Variants in EFCAB6 observed in about 807,000 individuals in gnomAD.
EFCAB6 encodes EF-hand calcium-binding domain-containing protein 6.
Under a neutral mutation model 169.8 loss-of-function variants are expected in EFCAB6, and 156 were observed. That is an observed-to-expected ratio of 0.92 (90% CI 0.81 to 1.05). The LOEUF is 1.05. EFCAB6 is among the 50% of genes least tolerant of loss of function. The pLI is 0.00. For synonymous variants in EFCAB6, 698 were observed against 676.4 expected (o/e 1.03, Z -0.50); for missense variants, 1,800 against 1,829.1 (o/e 0.98, Z 0.29).
intron 26 of EFCAB6, among the ~76,000 whole-genome samples, chr22:43,565,246 G>A (rs766366286): frequency 2.6e-5 from 4 of 152,234 alleles, no homozygotes; most frequent in Non-Finnish European, 5.9e-5. Flanking sequence ...TGACAGAGAT[G>A]AAGAGCAGAG....
chr22:43,576,246 T>C (rs757375780), intron 26 of EFCAB6, 51 bp downstream of exon 26: 10 of 1,505,468 alleles, frequency 6.6e-6, no homozygotes, highest in South Asian at 2.6e-5. Flanking sequence ...TTGTAAAAAC[T>C]AATTTTAGCT....
At position 43,676,989 on chromosome 22, in the gene EFCAB6, T is replaced by G. The variant is rs78365095; in HGVS notation, c.1419+1007A>C. Among the ~76,000 whole-genome samples, 313 of 152,298 alleles carry G rather than the reference T, an allele frequency of 2.1e-3. 4 individuals are homozygous for G. The highest frequency in any genetic ancestry group is 6.9e-3 in the African/African-American group (288 of 41,532). ...GAAATAGTGCATCTCGTGATATTAC[T>G]GGTTTGATTTTGATTCATAGGGATG... On this transcript the variant is annotated intron_variant, in intron 13 of 31. Transcript: ENST00000262726.
In EFCAB6 at chr22:43,810,290, T is replaced by C. The variant is rs73174399; in HGVS notation, c.-144-1159A>G. 1.8e-3 allele frequency among the ~76,000 whole-genome samples: 276 copies of C among 152,298 alleles called. 1 individual carries two copies. Among genetic ancestry groups the C allele is most frequent in the Non-Finnish European group, 3.1e-3 (209 of 68,018 alleles). ...TAGTATTAGCCAGTAGTAGTATTAG[T>C]AGTTGCTGTAGTAGAAATAGAAGTA... On this transcript the variant is annotated intron_variant, in intron 1 of 31. Transcript: ENST00000262726.
intron 12 of EFCAB6, among the ~76,000 whole-genome samples, 193 bp from the exon 13 acceptor site, chr22:43,678,356 T>TGC (rs2147063620): frequency 6.6e-6 from 1 of 151,650 alleles, no homozygotes; most frequent in Non-Finnish European, 1.5e-5. Flanking sequence ...TGTGTGTGTG[T>TGC]GTGTGTGTGT....
rs537364170 is a variant in EFCAB6, at chr22:43,665,589, A to G, written c.1983+1515T>C. On this transcript the variant is annotated intron_variant, in intron 17 of 31. Transcript: ENST00000262726. ...CTCAGGGTGAAATAAAATCTAGGAC[A>G]AAGGGCCCTGCACGGGCAGGGATGG... Among the ~76,000 whole-genome samples the G allele has an allele frequency of 9.8e-4, 150 of 152,306 alleles. 2 individuals carry two copies. In the South Asian group the frequency reaches 0.011, roughly 12 times the overall value.
At chr22:43,615,716 G>A in intron 21 of EFCAB6, 110 bp downstream of exon 21, 1 of 855,648 alleles carries the variant, frequency 1.2e-6, no homozygotes, top group Non-Finnish European at 1.8e-6. Context: ...TGGGTACACA[G>A]AGTTGTTTTC....
intron 12 of EFCAB6, among the ~76,000 whole-genome samples, chr22:43,679,525 TA>T (rs2057918019): frequency 6.6e-6 from 1 of 152,230 alleles, no homozygotes; most frequent in Admixed American, 6.5e-5. Flanking sequence ...CTGGGTTCTA[TA>T]AGTCACATTT....
At chr22:43,720,351 A>T (rs971422130) in intron 8 of EFCAB6, among the ~76,000 whole-genome samples, 1 of 7,680 alleles carries the variant, frequency 1.3e-4, no homozygotes, top group African/African-American at 5.2e-4. Flanking sequence ...ACAAAAGATT[A>T]AAAAAAAAAA....
chr22:43,709,427 G>T (rs964332832), intron 10 of EFCAB6, among the ~76,000 whole-genome samples: 5 of 152,026 alleles, frequency 3.3e-5, no homozygotes, highest in African/African-American at 9.7e-5. Context: ...GATATAGAAA[G>T]GCACTCAACA....
chr22:43,600,246 T>C lies in EFCAB6; in HGVS notation c.2699A>G (p.Lys900Arg), dbSNP rs779430399. The C allele has an allele frequency of 6.2e-7, 1 of 1,613,984 alleles. No individual in the cohort carries two copies. The highest frequency in any genetic ancestry group is 1.3e-5 in the African/African-American group (1 of 75,022). Residue 900 changes from lysine (K) to arginine (R), a missense_variant, in exon 23 of 32, where the codon AAA becomes AGA. By Grantham distance (26) the Lys-to-Arg change is conservative (BLOSUM62 2). Coordinates refer to ENST00000262726, the MANE Select transcript of EFCAB6 (RefSeq NM_022785.4). Reference sequence around the variant, plus strand: ...AAATTCCTGGTAAGTAATGTGCCCTTTTCCCTCGGTGTCGTATCTTAAAAC... The same window carrying C: ...AAATTCCTGGTAAGTAATGTGCCCTCTTCCCTCGGTGTCGTATCTTAAAAC... ...KLWARYDTEG[K>R]GHITYQEFLQ...
chr22:43,716,669 G>A (rs374342589), intron 9 of EFCAB6, 179 bp downstream of exon 9: 27 of 583,138 alleles, frequency 4.6e-5, no homozygotes, highest in African/African-American at 7.7e-5. Flanking sequence ...TCACCATCAC[G>A]ATTATCCATG....
At chr22:43,636,617 T>C (rs2055418751) in intron 17 of EFCAB6, among the ~76,000 whole-genome samples, 1 of 149,238 alleles carries the variant, frequency 6.7e-6, no homozygotes, top group Admixed American at 6.6e-5. Flanking sequence ...TTCTTTTTTT[T>C]TTTTTTTTTT....
intron 10 of EFCAB6, among the ~76,000 whole-genome samples, chr22:43,709,695 C>T (rs1364773968): frequency 6.6e-6 from 1 of 152,078 alleles, no homozygotes; most frequent in Admixed American, 6.5e-5. Flanking sequence ...TTTATTATTG[C>T]TATTAAATTA....
intron 4 of EFCAB6, among the ~76,000 whole-genome samples, chr22:43,769,400 TTAGA>T (rs1465901800): frequency 6.6e-6 from 1 of 152,156 alleles, no homozygotes; most frequent in Non-Finnish European, 1.5e-5. Context: ...CGGTTTTCAA[TTAGA>T]TAGTGGTGAT....
At chr22:43,609,010 A>T (rs968265493) in intron 21 of EFCAB6, among the ~76,000 whole-genome samples, 10 of 152,216 alleles carry the variant, frequency 6.6e-5, no homozygotes, top group Non-Finnish European at 1.3e-4. Flanking sequence ...AGCTATTATG[A>T]CAAGATTATA....
rs1483020792 is a variant in EFCAB6, at chr22:43,615,847, G to A, written c.2541C>T (p.Asn847=). 3.1e-6 allele frequency: 5 copies of A among 1,613,306 alleles called. No homozygotes were observed. The African/African-American group carries it at 4.0e-5, about 13-fold the overall frequency. The change falls in exon 21 of 32, where the codon AAC becomes AAT. Residue 847 remains asparagine (N), a synonymous_variant. Transcript: ENST00000262726. ...AHQYLVTKAK[N]RWSDLSKNFL... is the part of the protein sequence containing the mutation. ...TTACCTTAGACAAGTCTGACCATCT[G>A]TTTTTTGCTTTGGTAACAAGATACT...
chr22:43,772,208 T>C (rs960991217), intron 4 of EFCAB6, among the ~76,000 whole-genome samples: 1 of 152,218 alleles, frequency 6.6e-6, no homozygotes, highest in Non-Finnish European at 1.5e-5. Context: ...GAGTCTGACT[T>C]ATCTGCACCG....
In EFCAB6 at chr22:43,689,208, G is replaced by A. The variant is rs531189529; in HGVS notation, c.1032-1627C>T. Among the ~76,000 whole-genome samples the A allele has an allele frequency of 1.5e-4, 22 of 151,602 alleles. No individual in the cohort carries two copies. The South Asian group carries it at 3.3e-3, about 23-fold the overall frequency. On this transcript the variant is annotated intron_variant, in intron 10 of 31. Coordinates refer to ENST00000262726, the MANE Select transcript of EFCAB6 (RefSeq NM_022785.4). ...AGCCATTGAGAACAAAAAATTTTGC[G>A]GGGGGGCGCAGGGCCGGAGGCAGGG...
chr22:43,608,648 G>T, intron 21 of EFCAB6, 48 bp from the exon 22 acceptor site: 1 of 1,566,194 alleles, frequency 6.4e-7, no homozygotes, highest in Non-Finnish European at 8.8e-7. Context: ...ATGTGCGTAT[G>T]ACAGCAGAAA....
Sources: gnomAD v4.1 joint callset for allele counts (sites outside exome capture counted in the v4.1 genomes callset) on GRCh38, gnomAD v4.1.1 for gene constraint, MANE v1.5 for transcripts, NCBI Gene and HGNC (gene_info 2026-07-23, HGNC 2026-07-21) for gene names.